Variants in CPNE9 observed in about 807,000 individuals in gnomAD.
The protein encoded by CPNE9 is copine-9.
CPNE9 carries 59 observed loss-of-function variants against 83.0 expected under a neutral mutation model. The ratio of observed to expected loss-of-function variants is 0.71; its 90% CI spans 0.58 to 0.88. The LOEUF (loss-of-function observed/expected upper bound fraction) is 0.88. Among genes scored for constraint, CPNE9 ranks in the 40% least tolerant of loss-of-function variants. The probability of loss-of-function intolerance (pLI) is 0.00; values close to 1 mark genes in which losing one functional copy is unlikely to be tolerated. For missense variants in CPNE9, 619 were observed against 720.8 expected, an observed-to-expected ratio of 0.86 and a Z score of 1.62; for synonymous variants, 256 against 273.4, an observed-to-expected ratio of 0.94 and a Z score of 0.63.
intron 5 of CPNE9, 106 bp from the exon 6 acceptor site, chr3:9,705,612 C>T (rs1045655788): frequency 1.5e-5 from 24 of 1,559,318 alleles, no homozygotes; most frequent in African/African-American, 1.4e-4. Flanking sequence ...CTTCTTCAGG[C>T]CCCCAACCCA....
rs1388542959 is a variant in CPNE9, at chr3:9,729,777, G to A, written c.*85G>A. Reference sequence around the variant, plus strand: ...TAAGCCAGAGGCACCTGGAACCCTGGACTTCACTGGGAGGGCCAACTTGGA... The same window carrying A: ...TAAGCCAGAGGCACCTGGAACCCTGAACTTCACTGGGAGGGCCAACTTGGA... On this transcript the variant is annotated 3_prime_UTR_variant, in exon 21 of 21. Transcript: ENST00000383832. 1 of 1,479,164 alleles carries A rather than the reference G, an allele frequency of 6.8e-7. No homozygotes were observed. The allele number at this position is 1,479,164 out of a possible 1,614,324, so 91.6% of individuals were successfully genotyped here.
At chr3:9,721,595 T>C (rs1044034727) in intron 17 of CPNE9, among the ~76,000 whole-genome samples, 3 of 152,186 alleles carry the variant, frequency 2.0e-5, no homozygotes, top group Non-Finnish European at 4.4e-5. Flanking sequence ...ACTGCTCAGC[T>C]GGGTCTAGAG....
At chr3:9,717,679 T>TGGATGGAC (rs2076696287) in intron 15 of CPNE9, among the ~76,000 whole-genome samples, 1 of 151,798 alleles carries the variant, frequency 6.6e-6, no homozygotes, top group African/African-American at 2.4e-5. Flanking sequence ...GGTGGATGGA[T>TGGATGGAC]GGATGGATGG....
rs1553690414 is a variant in CPNE9 at position 9,715,434 on chromosome 3, C to T, written c.769-39C>T. On this transcript the variant is annotated intron_variant, in intron 12 of 20. Transcript: ENST00000383832. ...AGTGTGCTCAGTCTGGACCTCCCTT[C>T]CTTTGTTTCTCATCATCACTGTTAC... 6 of 1,612,830 alleles carry T rather than the reference C, an allele frequency of 3.7e-6. No homozygotes were observed. The Admixed American group carries it at 8.3e-5, about 22-fold the overall frequency.
At position 9,718,981 on chromosome 3, in the gene CPNE9, C is replaced by T. The variant is rs149801331; in HGVS notation, c.1241+379C>T. On this transcript the variant is annotated intron_variant, in intron 17 of 20. Transcript: ENST00000383832. ...CCTCCCAAATAGCAGGGATTACTGG[C>T]GCATGCCACCACACTTGGCTCGTTT... Among the ~76,000 whole-genome samples, 268 of 151,748 alleles carry T rather than the reference C, an allele frequency of 1.8e-3. 2 individuals carry two copies. The East Asian group carries it at 0.044, about 25-fold the overall frequency.
At position 9,703,959 on chromosome 3, in the gene CPNE9, T is replaced by C. The variant is rs1175521468; in HGVS notation, c.-38T>C. ...TCGCCCCTAGCCCCAGCAGCCCTGG[T>C]CTCGCAGCCTCCTGCGGCTCTGGTC... On this transcript the variant is annotated 5_prime_UTR_variant, in exon 1 of 21. Transcript: ENST00000383832. 6.4e-6 allele frequency: 10 copies of C among 1,560,378 alleles called. No homozygotes were observed. The highest frequency in any genetic ancestry group is 7.8e-6 in the Non-Finnish European group (9 of 1,154,066).
chr3:9,727,507 C>G, intron 20 of CPNE9: 1 of 686,672 alleles, frequency 1.5e-6, no homozygotes, highest in South Asian at 1.6e-5. Flanking sequence ...ACTGTGAGAG[C>G]CTGTAACAGG....
chr3:9,713,119 C>A (rs754251659), intron 10 of CPNE9, 40 bp downstream of exon 10: 4 of 1,459,014 alleles, frequency 2.7e-6, no homozygotes, highest in Non-Finnish European at 2.9e-6. Flanking sequence ...GAGCCAAGGA[C>A]ATGCCAGTGT....
At chr3:9,726,099 G>A (rs759540894) in intron 18 of CPNE9, 48 bp downstream of exon 18, 7 of 1,185,216 alleles carry the variant, frequency 5.9e-6, no homozygotes, top group Middle Eastern at 2.3e-4. Flanking sequence ...TGTCAATACT[G>A]TGAAGGGGCT....
rs555571650 is a variant in CPNE9, at chr3:9,722,165, C to G, written c.1241+3563C>G. Among the ~76,000 whole-genome samples, 277 of 151,682 alleles carry G rather than the reference C, an allele frequency of 1.8e-3. 2 individuals carry two copies. The highest frequency in any genetic ancestry group is 5.9e-3 in the African/African-American group (242 of 41,318). On this transcript the variant is annotated intron_variant, in intron 17 of 20. Coordinates refer to ENST00000383832, the MANE Select transcript of CPNE9 (RefSeq NM_153635.3). Reference sequence around the variant, plus strand: ...CTCCTGACCTCAGGTGATCCACCCCCCCCCGCCACCCGGCCTCCCAAAGTG... The same window carrying G: ...CTCCTGACCTCAGGTGATCCACCCCGCCCCGCCACCCGGCCTCCCAAAGTG...
chr3:9,704,620 C>T lies in CPNE9; in HGVS notation c.102C>T (p.Ser34=), dbSNP rs766303858. Residue 34 remains serine (S), a synonymous_variant, in exon 2 of 21, where the codon TCC becomes TCT. Coordinates refer to ENST00000383832, the MANE Select transcript of CPNE9 (RefSeq NM_153635.3). The surrounding 1 kb of genome is among the most constrained non-coding windows in gnomAD (Gnocchi z 7.1). ...NLLDLDTFSK[S]DPMVVLYTQS... ...TAGACCTTGATACCTTCTCCAAGTC[C>T]GACCCCAGTAGGCGGCTCCAGGACC... The T allele has an allele frequency of 2.5e-6, 4 of 1,613,874 alleles. No homozygotes were observed. Among genetic ancestry groups the T allele is most frequent in the South Asian group, 2.2e-5 (2 of 91,086 alleles).
At chr3:9,715,898 CCCTATGGGCCTCACT>C (rs144562396) in intron 13 of CPNE9, 61 bp from the exon 14 acceptor site, 3 of 1,326,752 alleles carry the variant, frequency 2.3e-6, no homozygotes, top group Non-Finnish European at 3.2e-6. Flanking sequence ...CTTTCCAAGC[CCCTATGGGCCTCACT>C]TCCTTCTGCC....
chr3:9,717,450 A>G (rs866215961), intron 15 of CPNE9, among the ~76,000 whole-genome samples: 2 of 152,210 alleles, frequency 1.3e-5, no homozygotes. Flanking sequence ...ATAATAGGTT[A>G]GACAAGTAGA....
In CPNE9 at chr3:9,726,056, G is replaced by A. The variant is rs1245408168; in HGVS notation, c.1344+5G>A. ...ACCAAGGAGGCCATCGTCAGCGTGA[G>A]TCTGAGGAGGAGGGCTTGGCAGGGA... On this transcript the variant is annotated splice_donor_5th_base_variant and intron_variant, in intron 18 of 20. Coordinates refer to ENST00000383832, the MANE Select transcript of CPNE9 (RefSeq NM_153635.3). 1 of 1,576,854 alleles carries A rather than the reference G, an allele frequency of 6.3e-7. No individual in the cohort carries two copies.
chr3:9,715,595 CA>C (rs1179385285), intron 13 of CPNE9, 69 bp downstream of exon 13: 3 of 1,355,950 alleles, frequency 2.2e-6, no homozygotes, highest in Non-Finnish European at 3.2e-6. Flanking sequence ...CACAGCATGG[CA>C]AATATCGAGG....
At chr3:9,723,433 T>TTGCA (rs1414477414) in intron 17 of CPNE9, among the ~76,000 whole-genome samples, 1 of 151,648 alleles carries the variant, frequency 6.6e-6, no homozygotes, top group African/African-American at 2.4e-5. Flanking sequence ...GATTGTGCCA[T>TTGCA]TGCACTCCAG....
rs2076788023 is a variant in CPNE9, at chr3:9,726,702, T to G, written c.1382T>G (p.Val461Gly). The change falls in exon 19 of 21, where the codon GTA (valine) becomes GGA (glycine). Residue 461 changes from valine (V) to glycine (G), a missense_variant. Coordinates refer to ENST00000383832, the MANE Select transcript of CPNE9 (RefSeq NM_153635.3). ...CCCATGTCTATCATTATCGTCGGTG[T>G]AGGACCAGCCATGTTTGAGGGTGAG... ...SLPMSIIIVG[V>G]GPAMFEAMEE... The G allele has an allele frequency of 6.2e-7, 1 of 1,613,842 alleles. No homozygotes were observed. The highest frequency in any genetic ancestry group is 8.5e-7 in the Non-Finnish European group (1 of 1,179,936).
At chr3:9,724,726 A>G (rs1211779533) in intron 17 of CPNE9, among the ~76,000 whole-genome samples, 2 of 46,512 alleles carry the variant, frequency 4.3e-5, no homozygotes, top group Non-Finnish European at 7.9e-5. Context: ...GATCCTATCT[A>G]TCTATCTATC....
chr3:9,716,911 G>A (rs1165086024), intron 14 of CPNE9, 147 bp from the exon 15 acceptor site: 6 of 782,446 alleles, frequency 7.7e-6, no homozygotes, highest in Non-Finnish European at 1.3e-5. Context: ...TTACTTGGGA[G>A]TTTGTTAGGC....
Sources: allele counts gnomAD v4.1 joint callset (sites outside exome capture counted in the v4.1 genomes callset), GRCh38; gene constraint gnomAD v4.1.1; non-coding constraint Gnocchi (gnomAD v3.1); transcripts MANE v1.5; gene names NCBI Gene and HGNC (gene_info 2026-07-23, HGNC 2026-07-21).